Variants in SLC30A7 observed in about 807,000 individuals in gnomAD.
The protein encoded by SLC30A7 is zinc transporter 7.
SLC30A7 carries 35 observed loss-of-function variants against 46.0 expected under a neutral mutation model. The observed-to-expected ratio is 0.76, with a 90% CI of 0.58 to 1.01. The LOEUF is 1.01. SLC30A7 is among the 50% of genes least tolerant of loss of function. The pLI, the probability that SLC30A7 is intolerant of heterozygous loss-of-function variation, is 0.00. For synonymous variants in SLC30A7, 147 were observed against 157.8 expected (o/e 0.93, Z 0.51); for missense variants, 464 against 451.1 (o/e 1.03, Z -0.26).
intron 8 of SLC30A7, among the ~76,000 whole-genome samples, chr1:100,944,728 T>G (rs988243118): frequency 2.0e-5 from 3 of 148,820 alleles, no homozygotes; most frequent in African/African-American, 7.4e-5. Flanking sequence ...TTTGGGTTGG[T>G]TCCAAGTCTG....
intron 8 of SLC30A7, among the ~76,000 whole-genome samples, chr1:100,923,451 T>G (rs954070656): frequency 6.6e-6 from 1 of 152,208 alleles, no homozygotes; most frequent in Non-Finnish European, 1.5e-5. Flanking sequence ...TTTTTTCAAA[T>G]TATTTGAACA....
At chr1:100,950,814 T>C (rs571854079) in intron 8 of SLC30A7, among the ~76,000 whole-genome samples, 1 of 152,316 alleles carries the variant, frequency 6.6e-6, no homozygotes, top group East Asian at 1.9e-4. Flanking sequence ...CCTAGAGACA[T>C]GATTCATGTC....
At chr1:100,901,139 AC>A (rs1651283642) in intron 2 of SLC30A7, among the ~76,000 whole-genome samples, 1 of 152,110 alleles carries the variant, frequency 6.6e-6, no homozygotes, top group South Asian at 2.1e-4. Context: ...AACCATTATC[AC>A]CCATGAAAAT....
At chr1:100,993,086 T>G in the SLC30A7 span, among the ~76,000 whole-genome samples, 1 of 152,190 alleles carries the variant, frequency 6.6e-6, no homozygotes, top group African/African-American at 2.4e-5. Flanking sequence ...AATCAGGTTA[T>G]TTAGTGTCCT....
chr1:100,898,666 G>C (rs1259385970), intron 2 of SLC30A7, among the ~76,000 whole-genome samples: 1 of 152,018 alleles, frequency 6.6e-6, no homozygotes, highest in Non-Finnish European at 1.5e-5. Flanking sequence ...CATTTCTCTG[G>C]CCTTTTAATA....
intron 7 of SLC30A7, among the ~76,000 whole-genome samples, chr1:100,918,447 T>TA (rs746774578): frequency 6.6e-5 from 10 of 152,176 alleles, no homozygotes; most frequent in Non-Finnish European, 1.2e-4. Flanking sequence ...CTGGGGAACA[T>TA]ATGAGACTCG....
chr1:100,968,201 C>T (rs147475795), intron 10 of SLC30A7, among the ~76,000 whole-genome samples: 3,601 of 152,216 alleles, frequency 0.024, 134 homozygotes, highest in African/African-American at 0.079. Flanking sequence ...TGGCTCACAC[C>T]TGTAATCCCA....
At chr1:100,918,931 A>T (rs574378942) in intron 7 of SLC30A7, among the ~76,000 whole-genome samples, 1 of 152,324 alleles carries the variant, frequency 6.6e-6, no homozygotes, top group South Asian at 2.1e-4. Context: ...TTTCTACTGA[A>T]TGCATACTGC....
the SLC30A7 span, chr1:100,990,501 TG>T: frequency 1.9e-6 from 3 of 1,614,184 alleles, no homozygotes; most frequent in Non-Finnish European, 2.5e-6. Flanking sequence ...TGCTGCCTCC[TG>T]TGATGATCAA....
rs1217868377 is a variant in SLC30A7 at position 100,980,939 on chromosome 1, G to A, written c.*6082G>A. On this transcript the variant is annotated 3_prime_UTR_variant, in exon 11 of 11. Coordinates refer to ENST00000357650, the MANE Select transcript of SLC30A7 (RefSeq NM_133496.5). ...CAAAATGAAAGAGGTCTTTCTTGAA[G>A]GTGCTTTAAAGACATCACTACATGT... The A allele has an allele frequency of 1.3e-5, 2 of 151,920 alleles. No homozygotes were observed. Among genetic ancestry groups the A allele is most frequent in the Non-Finnish European group, 2.9e-5 (2 of 67,904 alleles). The allele number at this position is 151,920 out of a possible 1,614,324, so 9.4% of individuals were successfully genotyped here.
chr1:100,994,463 G>GA, the SLC30A7 span, among the ~76,000 whole-genome samples: 9 of 151,584 alleles, frequency 5.9e-5, no homozygotes, highest in East Asian at 1.4e-3. Context: ...TACATCTGAA[G>GA]AAAATAAGGC....
At chr1:100,924,590 T>C (rs1653163296) in intron 8 of SLC30A7, among the ~76,000 whole-genome samples, 1 of 152,088 alleles carries the variant, frequency 6.6e-6, no homozygotes, top group Admixed American at 6.6e-5. Context: ...CCATAGCCTA[T>C]TTGTTATTGC....
chr1:100,968,711 C>T (rs1181480369), intron 10 of SLC30A7, among the ~76,000 whole-genome samples: 1 of 152,154 alleles, frequency 6.6e-6, no homozygotes, highest in Non-Finnish European at 1.5e-5. Context: ...TCTCTGAAGC[C>T]TTAAGTGTCC....
chr1:100,984,398 A>G (rs1657151996), downstream of SLC30A7, among the ~76,000 whole-genome samples: 1 of 152,176 alleles, frequency 6.6e-6, no homozygotes, highest in Non-Finnish European at 1.5e-5. Flanking sequence ...GTGGGAGGAA[A>G]CCACGAAAGC....
At chr1:100,939,532 A>G (rs1330430620) in intron 8 of SLC30A7, among the ~76,000 whole-genome samples, 1 of 152,050 alleles carries the variant, frequency 6.6e-6, no homozygotes, top group Non-Finnish European at 1.5e-5. Flanking sequence ...TTTGTCAACT[A>G]TGACATTTTT....
intron 8 of SLC30A7, among the ~76,000 whole-genome samples, chr1:100,937,189 A>G (rs1570554852): frequency 6.6e-6 from 1 of 152,196 alleles, no homozygotes; most frequent in Admixed American, 6.5e-5. Context: ...CAGACATACT[A>G]TGTACCCATG....
rs116360876 is a variant in SLC30A7 at position 100,910,635 on chromosome 1, G to A, written c.297-428G>A. On this transcript the variant is annotated intron_variant, in intron 3 of 10. Transcript: ENST00000357650. ...AAAAAGTACAAAGCAGAAAGCATAAGGAGTTCTTAGAAAAAGAGAAATTAA... is the reference window on the plus strand; with the variant it reads ...AAAAAGTACAAAGCAGAAAGCATAAAGAGTTCTTAGAAAAAGAGAAATTAA... Among the ~76,000 whole-genome samples, 953 of 152,178 alleles carry A rather than the reference G, an allele frequency of 6.3e-3. 16 individuals are homozygous for A. The highest frequency in any genetic ancestry group is 0.02 in the African/African-American group (827 of 41,544).
Position 100,913,690 on chromosome 1 carries a change from A to G in SLC30A7, c.539A>G (p.Asn180Ser), listed in dbSNP as rs765826916. Residue 180 changes from asparagine (N) to serine (S), a missense_variant, in exon 6 of 11, where the codon AAT becomes AGT. Physicochemically the swap from Asn to Ser is conservative, Grantham distance 46. Coordinates refer to ENST00000357650, the MANE Select transcript of SLC30A7 (RefSeq NM_133496.5). ...SGHGHSHSLF[N>S]GALDQAHGHV... ...CACGGACACAGTCATTCCCTCTTTA[A>G]TGGTGCTCTAGATCAGGCACATGGC... is the stretch of plus-strand genomic sequence containing the variant. The G allele has an allele frequency of 4.3e-6, 7 of 1,613,848 alleles. No individual in the cohort carries two copies. In the South Asian group the frequency reaches 7.7e-5, roughly 18 times the overall value.
chr1:100,964,377 A>G (rs577538056), intron 9 of SLC30A7, among the ~76,000 whole-genome samples: 4 of 121,288 alleles, frequency 3.3e-5, no homozygotes, highest in Non-Finnish European at 5.2e-5. Context: ...TATATATAAC[A>G]TATGTTATAT....
Sources: gnomAD v4.1 joint callset for allele counts (sites outside exome capture counted in the v4.1 genomes callset) on GRCh38, gnomAD v4.1.1 for gene constraint, MANE v1.5 for transcripts, NCBI Gene and HGNC (gene_info 2026-07-23, HGNC 2026-07-21) for gene names.